PAFAH1B2: variants seen among roughly 807,000 people sequenced by gnomAD.
The protein encoded by PAFAH1B2 is platelet activating factor acetylhydrolase 1b catalytic subunit 2, also known as platelet-activating factor acetylhydrolase IB subunit alpha2.
PAFAH1B2 carries 8 observed loss-of-function variants against 28.0 expected under a neutral mutation model. The observed-to-expected ratio is 0.29, with a 90% CI of 0.17 to 0.52. PAFAH1B2 has a LOEUF of 0.52. Among genes scored for constraint, PAFAH1B2 ranks in the 20% least tolerant of loss-of-function variants. PAFAH1B2 has a pLI of 0.97. For synonymous variants in PAFAH1B2, 104 were observed against 103.2 expected, an observed-to-expected ratio of 1.01 and a Z score of -0.05; for missense variants, 190 against 282.6, an observed-to-expected ratio of 0.67 and a Z score of 2.35.
chr11:117,149,612 T>C (rs1271816519), intron 1 of PAFAH1B2, among the ~76,000 whole-genome samples: 1 of 150,464 alleles, frequency 6.6e-6, no homozygotes, highest in Non-Finnish European at 1.5e-5. Flanking sequence ...TTTTGTATTT[T>C]TAGTAGATAC....
chr11:117,165,349 C>G (rs960402808), intron 5 of PAFAH1B2, among the ~76,000 whole-genome samples: 3 of 135,508 alleles, frequency 2.2e-5, no homozygotes, highest in African/African-American at 8.2e-5. Context: ...AACTCGGTCT[C>G]AAAAAAAAAA....
Position 117,163,773 on chromosome 11 carries a change from A to G in PAFAH1B2, c.292A>G (p.Ile98Val), listed in dbSNP as rs1184788883. The change falls in exon 5 of 6, where the codon ATT (isoleucine) becomes GTT (valine). Residue 98 changes from isoleucine to valine, a missense_variant. Ile to Val is a conservative substitution (Grantham distance 29). Coordinates refer to ENST00000527958, the MANE Select transcript of PAFAH1B2 (RefSeq NM_002572.4). Reference protein sequence around the residue: ...GELENIKPKVIVVWVGTNNHE... With the variant: ...GELENIKPKVVVVWVGTNNHE... The stretch of plus-strand genomic sequence containing the variant: ...CCCCTTTTTTCTTCAATTGCAGGTC[A>G]TTGTTGTCTGGGTAGGAACAAATAA... The G allele has an allele frequency of 6.8e-6, 11 of 1,613,524 alleles. No homozygotes were observed. The highest frequency in any genetic ancestry group is 2.2e-5 in the South Asian group (2 of 91,026).
chr11:117,175,131 C>T (rs2029901954), downstream of PAFAH1B2: 1 of 1,226,730 alleles, frequency 8.2e-7, no homozygotes, highest in Non-Finnish European at 1.0e-6. Flanking sequence ...TCAAATAAGC[C>T]TTATGGCCCC....
At chr11:117,145,158 C>T (rs573143656) in intron 1 of PAFAH1B2, among the ~76,000 whole-genome samples, 1 of 152,166 alleles carries the variant, frequency 6.6e-6, no homozygotes, top group Non-Finnish European at 1.5e-5. Context: ...CTAGATAAAC[C>T]TGTCAGCGGA....
intron 2 of PAFAH1B2, among the ~76,000 whole-genome samples, chr11:117,158,100 T>C (rs183298153): frequency 4.6e-5 from 7 of 152,314 alleles, no homozygotes; most frequent in Non-Finnish European, 1.0e-4. Context: ...ATCGCGCCAC[T>C]ACACTCCAGC....
intron 2 of PAFAH1B2, among the ~76,000 whole-genome samples, chr11:117,157,804 AC>A (rs1956284873): frequency 6.6e-6 from 1 of 152,106 alleles, no homozygotes; most frequent in African/African-American, 2.4e-5. Context: ...TACATTACAG[AC>A]CTAGAGCACT....
intron 1 of PAFAH1B2, among the ~76,000 whole-genome samples, chr11:117,145,186 T>A (rs1478459398): frequency 2.6e-5 from 4 of 152,082 alleles, no homozygotes; most frequent in Admixed American, 1.3e-4. Flanking sequence ...GGGGGGATGT[T>A]TTTTTCCTGG....
intron 5 of PAFAH1B2, among the ~76,000 whole-genome samples, chr11:117,165,143 G>T (rs1237628026): frequency 2.0e-4 from 31 of 151,630 alleles, no homozygotes; most frequent in African/African-American, 7.2e-4. Context: ...TTTTAGTAGA[G>T]ATGGGGTTTC....
rs1463604322 is a variant in PAFAH1B2 at position 117,164,845 on chromosome 11, C to G, written c.411+953C>G. ...GGTCAGGATTTCAAGACCAGCCTGG[C>G]CAAGATGGTGAAACTTCGTCTCTAC... On this transcript the variant is annotated intron_variant, in intron 5 of 5. Transcript: ENST00000527958. 2.0e-5 allele frequency among the ~76,000 whole-genome samples: 3 copies of G among 151,936 alleles called. No homozygotes were observed. The East Asian group carries it at 5.9e-4, about 30-fold the overall frequency.
chr11:117,152,486 T>C lies in PAFAH1B2; in HGVS notation c.39T>C (p.His13=). The part of the protein sequence containing the change: ...QGDSNPAAIP[H]AAEDIQGDDR... ...ACTCAAACCCAGCAGCTATTCCGCA[T>C]GCAGCAGAAGATATTCAAGGAGATG... Residue 13 remains histidine (H), a synonymous_variant, in exon 2 of 6, where the codon CAT becomes CAC. Transcript: ENST00000527958. 6.2e-7 allele frequency: 1 copy of C among 1,613,984 alleles called. No individual in the cohort carries two copies. Among genetic ancestry groups the C allele is most frequent in the Non-Finnish European group, 8.5e-7 (1 of 1,179,826 alleles).
intron 2 of PAFAH1B2, among the ~76,000 whole-genome samples, chr11:117,157,975 TA>T (rs1276103148): frequency 6.6e-6 from 1 of 151,948 alleles, no homozygotes; most frequent in African/African-American, 2.4e-5. Flanking sequence ...CCATCTCTAC[TA>T]AAAATACAAA....
chr11:117,175,914 C>T (rs1459842511), downstream of PAFAH1B2: 6 of 1,535,672 alleles, frequency 3.9e-6, no homozygotes, highest in African/African-American at 4.1e-5. Flanking sequence ...AGATTATTTA[C>T]TGGCAAGATG....
At chr11:117,159,875 G>A (rs370478594) in intron 2 of PAFAH1B2, 59 bp from the exon 3 acceptor site, 4 of 1,241,810 alleles carry the variant, frequency 3.2e-6, no homozygotes, top group African/African-American at 1.5e-5. Flanking sequence ...TCAAGCATGG[G>A]CCACCACACC....
Position 117,158,680 on chromosome 11 carries a change from T to C in PAFAH1B2, c.82-1254T>C, listed in dbSNP as rs183404380. On this transcript the variant is annotated intron_variant, in intron 2 of 5. Coordinates refer to ENST00000527958, the MANE Select transcript of PAFAH1B2 (RefSeq NM_002572.4). Reference sequence around the variant, plus strand: ...TTTTTTTAAGATGGAGTTTCGCTCTTGTCGCCTAGGCTGGAGTGTAATGGC... The same window carrying C: ...TTTTTTTAAGATGGAGTTTCGCTCTCGTCGCCTAGGCTGGAGTGTAATGGC... 6.6e-4 allele frequency among the ~76,000 whole-genome samples: 97 copies of C among 146,726 alleles called. 1 individual carries two copies. The highest frequency in any genetic ancestry group is 2.4e-3 in the African/African-American group (95 of 39,508).
At chr11:117,162,142 GTTGT>G in intron 4 of PAFAH1B2, among the ~76,000 whole-genome samples, 1 of 152,232 alleles carries the variant, frequency 6.6e-6, no homozygotes, top group African/African-American at 2.4e-5. Context: ...TTCATTGAAA[GTTGT>G]TTGTTTTAAG....
chr11:117,149,429 CG>C lies in PAFAH1B2; in HGVS notation c.-7-3011del, dbSNP rs1034899099. Among the ~76,000 whole-genome samples the C allele has an allele frequency of 3.8e-3, 127 of 33,538 alleles. 6 individuals are homozygous for C. The highest frequency in any genetic ancestry group is 7.8e-3 in the Non-Finnish European group (102 of 13,122). 22.0% of individuals were successfully genotyped at this position (33,538 alleles called of 152,430 possible). A position where few individuals can be genotyped will look rare whatever the true frequency, so the allele number is the denominator to read the frequency against. On this transcript the variant is annotated intron_variant, in intron 1 of 5. Transcript: ENST00000527958. Reference sequence around the variant, plus strand: ...TTTAATTTAAAAAAAGTTTTCTAATCGTTTTTTTTTTTTTTGAGATGGAGTC... The same window carrying C: ...TTTAATTTAAAAAAAGTTTTCTAATCTTTTTTTTTTTTTTGAGATGGAGTC...
chr11:117,157,763 G>C (rs1331638425), intron 2 of PAFAH1B2, among the ~76,000 whole-genome samples: 1 of 151,848 alleles, frequency 6.6e-6, no homozygotes. Context: ...CCATCTTTGG[G>C]AAAAAAAGAG....
intron 1 of PAFAH1B2, among the ~76,000 whole-genome samples, chr11:117,146,868 A>G (rs1011277751): frequency 3.3e-5 from 5 of 150,022 alleles, no homozygotes; most frequent in Non-Finnish European, 5.9e-5. Flanking sequence ...TCAGGCAGCT[A>G]TTCGGGAGGA....
chr11:117,156,353 G>T (rs904304249), intron 2 of PAFAH1B2, among the ~76,000 whole-genome samples: 1 of 152,210 alleles, frequency 6.6e-6, no homozygotes, highest in African/African-American at 2.4e-5. Flanking sequence ...CTAAAATGGA[G>T]TTGCCAGCAG....
Sources: gnomAD v4.1 joint callset for allele counts (sites outside exome capture counted in the v4.1 genomes callset) on GRCh38, gnomAD v4.1.1 for gene constraint, MANE v1.5 for transcripts, NCBI Gene and HGNC (gene_info 2026-07-23, HGNC 2026-07-21) for gene names.